The following SYK variants were observed in gnomAD, a reference collection of about 807,000 sequenced individuals.
The protein encoded by SYK is spleen associated tyrosine kinase, also known as tyrosine-protein kinase SYK.
A neutral mutation model predicts 77.8 loss-of-function variants in SYK; 16 were observed. That is an observed-to-expected ratio of 0.21 (90% CI 0.14 to 0.31). The LOEUF (loss-of-function observed/expected upper bound fraction) is 0.31. SYK is among the 10% of genes least tolerant of loss of function. SYK has a pLI of 1.00. For synonymous variants in SYK, 312 were observed against 308.7 expected (o/e 1.01, Z -0.11); for missense variants, 529 against 814.4 (o/e 0.65, Z 4.26).
In SYK at chr9:90,888,589, A is replaced by G. The variant is rs974383987; in HGVS notation, c.1797A>G (p.Arg599=). The G allele has an allele frequency of 1.6e-5, 25 of 1,611,022 alleles. No homozygotes were observed. The highest frequency in any genetic ancestry group is 2.0e-5 in the Non-Finnish European group (23 of 1,178,880). Residue 599 remains arginine, a synonymous_variant, in exon 13 of 14, where the codon AGA becomes AGG. Coordinates refer to ENST00000375754, the MANE Select transcript of SYK (RefSeq NM_003177.7). ...TGGGGTGCCCTGCAGGGTGTCCAAG[A>G]GAGATGTACGATCTCATGAATCTGT... ...ERMGCPAGCP[R]EMYDLMNLCW...
chr9:90,876,523 ACAGT>A (rs1328399952), intron 9 of SYK, among the ~76,000 whole-genome samples: 4 of 152,242 alleles, frequency 2.6e-5, no homozygotes, highest in African/African-American at 9.6e-5. Flanking sequence ...TTTGTATATC[ACAGT>A]CATTTTGTAC....
At chr9:90,881,878 C>T (rs1456947906) in intron 11 of SYK, among the ~76,000 whole-genome samples, 1 of 152,062 alleles carries the variant, frequency 6.6e-6, no homozygotes, top group Admixed American at 6.6e-5. Context: ...CACTCTAGCA[C>T]GGGCTGCCAC....
rs951848676 is a variant in SYK, at chr9:90,878,876, C to T, written c.1504C>T (p.Leu502=). ...HRDLAARNVL[L]VTQHYAKISD... is the part of the protein sequence containing the mutation. ...AGATCTGGCTGCAAGAAATGTGTTG[C>T]TAGTTACCCAACATTACGCCAAGAT... Residue 502 remains leucine (L), a synonymous_variant, in exon 11 of 14, where the codon CTA becomes TTA. Coordinates refer to ENST00000375754, the MANE Select transcript of SYK (RefSeq NM_003177.7). The T allele has an allele frequency of 6.2e-7, 1 of 1,614,010 alleles. No individual in the cohort carries two copies. Among genetic ancestry groups the T allele is most frequent in the Non-Finnish European group, 8.5e-7 (1 of 1,179,982 alleles).
chr9:90,866,043 C>T (rs1033897149), intron 6 of SYK, among the ~76,000 whole-genome samples: 11 of 151,494 alleles, frequency 7.3e-5, no homozygotes, highest in Non-Finnish European at 1.2e-4. Flanking sequence ...GGACTACAGG[C>T]GCCCGCCACA....
chr9:90,805,354 C>T (rs745978651), intron 1 of SYK, among the ~76,000 whole-genome samples: 46 of 152,142 alleles, frequency 3.0e-4, no homozygotes, highest in Non-Finnish European at 4.4e-4. Context: ...TGGAAGGGAG[C>T]ATAAGTGTGA....
chr9:90,841,094 A>G (rs1826295738), intron 1 of SYK, among the ~76,000 whole-genome samples: 1 of 150,972 alleles, frequency 6.6e-6, no homozygotes, highest in Non-Finnish European at 1.5e-5. Flanking sequence ...TGTGGCATGT[A>G]TGTAGTTTGT....
rs980214182 is a variant in SYK, at chr9:90,843,744, T to C, written c.-41-114T>C. 1.1e-5 allele frequency: 8 copies of C among 743,494 alleles called. No individual in the cohort carries two copies. The African/African-American group carries it at 1.5e-4, about 14-fold the overall frequency. 46.1% of individuals were successfully genotyped at this position (743,494 alleles called of 1,614,324 possible). A position where few individuals can be genotyped will look rare whatever the true frequency, so the allele number is the denominator to read the frequency against. The stretch of plus-strand genomic sequence containing the variant: ...TGGGAGGGCCAAAGAGGGAAGTGCC[T>C]TTGTTCAGAGATGGGAGGGTTTGTC... On this transcript the variant is annotated intron_variant, in intron 1 of 13. Coordinates refer to ENST00000375754, the MANE Select transcript of SYK (RefSeq NM_003177.7).
intron 1 of SYK, among the ~76,000 whole-genome samples, chr9:90,802,223 G>C (rs1214302064): frequency 1.3e-5 from 2 of 152,188 alleles, no homozygotes; most frequent in African/African-American, 2.4e-5. Context: ...CCCGGCCCTC[G>C]GGAGACGCGG....
rs1054454272 is a variant in SYK, at chr9:90,874,287, C to G, written c.999C>G (p.Asp333Glu). 11 of 1,614,106 alleles carry G rather than the reference C, an allele frequency of 6.8e-6. No homozygotes were observed. Among genetic ancestry groups the G allele is most frequent in the Non-Finnish European group, 9.3e-6 (11 of 1,179,958 alleles). Residue 333 changes from aspartate to glutamate, a missense_variant, in exon 8 of 14, where the codon GAC (aspartate) becomes GAG (glutamate). Around this residue, in one of 2 missense-constraint regions of SYK, gnomAD observed 321 missense variants for 433.1 expected, o/e 0.74. Coordinates refer to ENST00000375754, the MANE Select transcript of SYK (RefSeq NM_003177.7). ...YEPELAPWAA[D>E]KGPQREALPM... ...CAGAACTTGCACCCTGGGCTGCAGA[C>G]AAAGGTGAGACTTCCTTTCATTCAA... is the stretch of plus-strand genomic sequence containing the variant.
At chr9:90,864,821 G>A (rs552342369) in intron 5 of SYK, among the ~76,000 whole-genome samples, 154 bp downstream of exon 5, 6 of 152,210 alleles carry the variant, frequency 3.9e-5, no homozygotes, top group East Asian at 1.9e-4. Context: ...TTTGTATATC[G>A]TGAATCAAAA....
At position 90,896,528 on chromosome 9, in the gene SYK, A is replaced by T. The variant is rs965104774; in HGVS notation, c.*928A>T. ...ATCCCCTGTCGCTTTCTGTGTCTGC[A>T]ATGGGGGGCAGCACAGGGATCAAAG... On this transcript the variant is annotated 3_prime_UTR_variant, in exon 14 of 14. Coordinates refer to ENST00000375754, the MANE Select transcript of SYK (RefSeq NM_003177.7). 11 of 232,614 alleles carry T rather than the reference A, an allele frequency of 4.7e-5. No individual in the cohort carries two copies. The East Asian group carries it at 6.1e-4, about 13-fold the overall frequency. The allele number at this position is 232,614 out of a possible 1,614,324, so 14.4% of individuals were successfully genotyped here. A position where few individuals can be genotyped will look rare whatever the true frequency, so the allele number is the denominator to read the frequency against.
At chr9:90,836,494 T>C (rs990114625) in intron 1 of SYK, among the ~76,000 whole-genome samples, 4 of 152,306 alleles carry the variant, frequency 2.6e-5, no homozygotes, top group East Asian at 1.9e-4. Flanking sequence ...TAAATCATAA[T>C]TGCATAAAAT....
At position 90,897,833 on chromosome 9, in the gene SYK, A is replaced by G. The variant is rs1302121797; in HGVS notation, c.*2233A>G. ...TGTGTGCAGAATTCCCACTGTGGCC[A>G]GCACGAGGAAGTCTTTTCTAGTGAA... is the stretch of plus-strand genomic sequence containing the variant. On this transcript the variant is annotated 3_prime_UTR_variant, in exon 14 of 14. Transcript: ENST00000375754. 1 of 223,122 alleles carries G rather than the reference A, an allele frequency of 4.5e-6. No individual in the cohort carries two copies. Among genetic ancestry groups the G allele is most frequent in the Non-Finnish European group, 8.9e-6 (1 of 111,840 alleles). 13.8% of individuals were successfully genotyped at this position (223,122 alleles called of 1,614,324 possible).
chr9:90,828,137 G>A (rs1480728025), intron 1 of SYK, among the ~76,000 whole-genome samples: 2 of 151,794 alleles, frequency 1.3e-5, no homozygotes, highest in African/African-American at 4.8e-5. Context: ...GTAAAATAGA[G>A]CCTGAAAGCG....
chr9:90,847,032 C>G (rs1263128265), intron 3 of SYK, among the ~76,000 whole-genome samples: 2 of 152,230 alleles, frequency 1.3e-5, no homozygotes, highest in African/African-American at 2.4e-5. Flanking sequence ...GGCCACGAAG[C>G]TGTTTCTTTT....
chr9:90,871,248 C>T (rs1176079411), intron 7 of SYK, among the ~76,000 whole-genome samples: 1 of 152,154 alleles, frequency 6.6e-6, no homozygotes, highest in Non-Finnish European at 1.5e-5. Flanking sequence ...AGGTTTGAGC[C>T]TGTTCTGAGT....
At position 90,845,554 on chromosome 9, in the gene SYK, C is replaced by G. The variant is rs1166157459; in HGVS notation, c.538C>G (p.Gln180Glu). 1 of 1,614,186 alleles carries G rather than the reference C, an allele frequency of 6.2e-7. No homozygotes were observed. Among genetic ancestry groups the G allele is most frequent in the Admixed American group, 1.7e-5 (1 of 60,020 alleles). ...AAAAATCTCTCGGGAAGAATCTGAGCAAATTGTCCTGATAGGATCAAAGAC... is the reference window on the plus strand; with the variant it reads ...AAAAATCTCTCGGGAAGAATCTGAGGAAATTGTCCTGATAGGATCAAAGAC... Reference protein sequence around the residue: ...HGKISREESEQIVLIGSKTNG... With the variant: ...HGKISREESEEIVLIGSKTNG... Residue 180 changes from glutamine to glutamate, a missense_variant, in exon 3 of 14, where the codon CAA (glutamine) becomes GAA (glutamate). Gln to Glu is a conservative substitution (Grantham distance 29). This residue lies in a region of SYK where 321 missense variants were observed against 433.1 expected (regional missense o/e 0.74). Transcript: ENST00000375754.
At chr9:90,847,827 T>C (rs1251190589) in intron 3 of SYK, among the ~76,000 whole-genome samples, 3 of 152,234 alleles carry the variant, frequency 2.0e-5, no homozygotes, top group Non-Finnish European at 2.9e-5. Flanking sequence ...TCATCACTGA[T>C]GTAGCTTTTC....
intron 3 of SYK, among the ~76,000 whole-genome samples, chr9:90,853,984 G>A (rs539144406): frequency 3.6e-4 from 55 of 152,318 alleles, no homozygotes; most frequent in African/African-American, 1.2e-3. Flanking sequence ...TGCAGGAGAG[G>A]GAGGGAAGTG....
Sources: gnomAD v4.1 joint callset for allele counts (sites outside exome capture counted in the v4.1 genomes callset) on GRCh38, gnomAD v4.1.1 for gene constraint, gnomAD v4.1.1 regional missense constraint, MANE v1.5 for transcripts, NCBI Gene and HGNC (gene_info 2026-07-23, HGNC 2026-07-21) for gene names.